Variants in PHF19 observed in about 807,000 individuals in gnomAD.
The protein encoded by PHF19 is PHD finger protein 19.
A neutral mutation model predicts 79.8 loss-of-function variants in PHF19; 21 were observed. The ratio of observed to expected loss-of-function variants is 0.26; its 90% CI spans 0.19 to 0.38. The LOEUF is 0.38. PHF19 is among the 10% of genes least tolerant of loss of function. The pLI, the probability that PHF19 is intolerant of heterozygous loss-of-function variation, is 1.00. For synonymous variants in PHF19, 273 were observed against 296.3 expected, an observed-to-expected ratio of 0.92 and a Z score of 0.81; for missense variants, 445 against 744.2, an observed-to-expected ratio of 0.60 and a Z score of 4.68.
intron 1 of PHF19, among the ~76,000 whole-genome samples, chr9:120,893,780 G>C (rs982906670): frequency 1.3e-5 from 2 of 152,208 alleles, no homozygotes; most frequent in African/African-American, 4.8e-5. Flanking sequence ...ATACTGTTAC[G>C]AGGGAGAAAA....
At chr9:120,885,158 C>T (rs866787841) in intron 1 of PHF19, among the ~76,000 whole-genome samples, 27 of 152,200 alleles carry the variant, frequency 1.8e-4, no homozygotes, top group South Asian at 2.1e-4. Context: ...TTCGAGGATG[C>T]AGTAAGCTAT....
At chr9:120,868,030 G>A (rs2045756303) in intron 6 of PHF19, among the ~76,000 whole-genome samples, 2 of 151,426 alleles carry the variant, frequency 1.3e-5, no homozygotes, top group Admixed American at 1.3e-4. Flanking sequence ...CCGCCCCCCG[G>A]CCCCCTACCC....
At chr9:120,895,437 C>A (rs1177692696), upstream of PHF19, among the ~76,000 whole-genome samples, 1 of 149,048 alleles carries the variant, frequency 6.7e-6, no homozygotes, top group African/African-American at 2.5e-5. Flanking sequence ...AAAAAATATG[C>A]CAGGGTGACA....
intron 1 of PHF19, among the ~76,000 whole-genome samples, chr9:120,892,742 C>G (rs1446922846): frequency 1.3e-5 from 2 of 151,836 alleles, no homozygotes; most frequent in Non-Finnish European, 2.9e-5. Flanking sequence ...GCTTGTATAT[C>G]AAATAAAGAA....
At chr9:120,897,265 G>A (rs993636499), upstream of PHF19, among the ~76,000 whole-genome samples, 15 of 152,328 alleles carry the variant, frequency 9.8e-5, no homozygotes, top group Admixed American at 8.5e-4. Flanking sequence ...GTGCTGAGGC[G>A]GCAAGTGCTA....
At position 120,870,009 on chromosome 9, in the gene PHF19, A is replaced by G. The variant is rs868608675; in HGVS notation, c.365-64T>C. 1.3e-5 allele frequency: 20 copies of G among 1,532,822 alleles called. No homozygotes were observed. In the African/African-American group the frequency reaches 1.4e-4, roughly 11 times the overall value. The allele number at this position is 1,532,822 out of a possible 1,614,324, so 95.0% of individuals were successfully genotyped here. A position where few individuals can be genotyped will look rare whatever the true frequency, so the allele number is the denominator to read the frequency against. ...ATCGTGGCCCAAGGCCAGTTGGCCCAAAGGAGGCAGGGCTGGGAGGGCTGA... is the reference window on the plus strand; with the variant it reads ...ATCGTGGCCCAAGGCCAGTTGGCCCGAAGGAGGCAGGGCTGGGAGGGCTGA... On this transcript the variant is annotated intron_variant, in intron 4 of 14. Transcript: ENST00000373896. The surrounding 1 kb of genome is among the most constrained non-coding windows in gnomAD (Gnocchi z 4.4).
intron 1 of PHF19, among the ~76,000 whole-genome samples, chr9:120,876,827 CCCCG>C (rs1270866385): frequency 6.6e-6 from 1 of 152,176 alleles, no homozygotes; most frequent in African/African-American, 2.4e-5. Flanking sequence ...CCTTCCCCCA[CCCCG>C]ATAGGAAAAT....
chr9:120,873,445 C>T (rs1215578803), intron 3 of PHF19, among the ~76,000 whole-genome samples: 1 of 152,224 alleles, frequency 6.6e-6, no homozygotes, highest in Non-Finnish European at 1.5e-5. Flanking sequence ...TAGCTCCATC[C>T]AGGCATGTCC....
In PHF19 at chr9:120,891,770, A is replaced by G. The variant is rs868549194; in HGVS notation, c.42+3018T>C. ...CCCCACCCAGTCTTCCGTGCTTGTT[A>G]GGAGAGACGGAAGCATCACAGTCAC... On this transcript the variant is annotated intron_variant, in intron 1 of 14. Coordinates refer to the PHF19 transcript ENST00000616568. The surrounding 1 kb of genome is among the most constrained non-coding windows in gnomAD (Gnocchi z 4.3). Among the ~76,000 whole-genome samples, 5 of 152,184 alleles carry G rather than the reference A, an allele frequency of 3.3e-5. No individual in the cohort carries two copies. The highest frequency in any genetic ancestry group is 1.3e-4 in the Admixed American group (2 of 15,280).
At position 120,864,747 on chromosome 9, in the gene PHF19, TA is replaced by T. The variant is rs202214402; in HGVS notation, c.901-632del. Among the ~76,000 whole-genome samples the T allele has an allele frequency of 8.8e-3, 1,334 of 151,972 alleles. 23 individuals carry two copies. Among genetic ancestry groups the T allele is most frequent in the African/African-American group, 0.031 (1,270 of 41,484 alleles). ...TAATATGGAAAAGTATAATGTATAC[TA>T]AAAAAAAGATTATTTAAAATTGTAT... is the stretch of plus-strand genomic sequence containing the variant. On this transcript the variant is annotated intron_variant, in intron 9 of 14. Coordinates refer to ENST00000373896, the MANE Select transcript of PHF19 (RefSeq NM_015651.3).
Position 120,874,983 on chromosome 9 carries a change from G to A in PHF19, c.-15-227C>T, listed in dbSNP as rs2046006175. Among the ~76,000 whole-genome samples the A allele has an allele frequency of 6.6e-6, 1 of 152,184 alleles. No individual in the cohort carries two copies. On this transcript the variant is annotated intron_variant, in intron 1 of 14. Transcript: ENST00000373896. This position sits in a 1 kb window ranked among gnomAD's most constrained non-coding sequence, Gnocchi z 4.5. Reference sequence around the variant, plus strand: ...AGAAGAGGCTGATGGGCCAAAGGCAGAGCCATGGCCCATACCACACTACCT... The same window carrying A: ...AGAAGAGGCTGATGGGCCAAAGGCAAAGCCATGGCCCATACCACACTACCT...
chr9:120,876,719 C>T (rs2046071079), intron 1 of PHF19, among the ~76,000 whole-genome samples: 1 of 152,220 alleles, frequency 6.6e-6, no homozygotes, highest in African/African-American at 2.4e-5. Context: ...TCGGGTTCAG[C>T]GCTCCTCTCC....
At chr9:120,872,887 G>T (rs950560480) in intron 3 of PHF19, among the ~76,000 whole-genome samples, 1 of 152,044 alleles carries the variant, frequency 6.6e-6, no homozygotes, top group African/African-American at 2.4e-5. Flanking sequence ...CTCCCAAAGT[G>T]CTGGGATTAC....
Position 120,857,211 on chromosome 9 carries a change from AG to A in PHF19, c.*732del, listed in dbSNP as rs1415881228. On this transcript the variant is annotated 3_prime_UTR_variant, in exon 15 of 15. Transcript: ENST00000373896. ...GCCAGGCCCAGCTCTATGGCGACTG[AG>A]GGGGTGAGGCCAGAGAACAGAAGAC... 1.4e-5 allele frequency: 2 copies of A among 143,208 alleles called. No homozygotes were observed. Among genetic ancestry groups the A allele is most frequent in the Non-Finnish European group, 3.0e-5 (2 of 66,682 alleles). The allele number at this position is 143,208 out of a possible 1,614,324, so 8.9% of individuals were successfully genotyped here. A position where few individuals can be genotyped will look rare whatever the true frequency, so the allele number is the denominator to read the frequency against.
chr9:120,899,177 C>T (rs549052499), upstream of PHF19, among the ~76,000 whole-genome samples: 7 of 143,548 alleles, frequency 4.9e-5, no homozygotes, highest in East Asian at 6.1e-4. Context: ...CCAGCCTGGG[C>T]GACACAACGA....
At chr9:120,872,976 A>G (rs1338924611) in intron 3 of PHF19, among the ~76,000 whole-genome samples, 2 of 152,160 alleles carry the variant, frequency 1.3e-5, no homozygotes, top group East Asian at 3.9e-4. Flanking sequence ...TGAGCTAAGC[A>G]TTTTACATGG....
rs1280422899 is a variant in PHF19, at chr9:120,856,165, T to C, written c.*1779A>G. The stretch of plus-strand genomic sequence containing the variant: ...GGGCTGAAAAGGGGGAAGAACTGGG[T>C]CCAACGCCAGCTCGTCTATGCCTGG... On this transcript the variant is annotated 3_prime_UTR_variant, in exon 15 of 15. Transcript: ENST00000373896. The C allele has an allele frequency of 6.5e-6, 1 of 152,734 alleles. No individual in the cohort carries two copies. Among genetic ancestry groups the C allele is most frequent in the Non-Finnish European group, 1.5e-5 (1 of 68,156 alleles). The allele number at this position is 152,734 out of a possible 1,614,324, so 9.5% of individuals were successfully genotyped here. A position where few individuals can be genotyped will look rare whatever the true frequency, so the allele number is the denominator to read the frequency against.
In PHF19 at chr9:120,870,084, G is replaced by A. The variant is rs2131540324; in HGVS notation, c.365-139C>T. On this transcript the variant is annotated intron_variant, in intron 4 of 14. Coordinates refer to ENST00000373896, the MANE Select transcript of PHF19 (RefSeq NM_015651.3). This position sits in a 1 kb window ranked among gnomAD's most constrained non-coding sequence, Gnocchi z 4.4. ...CCAGCTGCCGGGAGCCTGGCTGCTG[G>A]TGCCCACCAAGATGGCCAAGTCAGT... 1 of 1,294,574 alleles carries A rather than the reference G, an allele frequency of 7.7e-7. No individual in the cohort carries two copies. Among genetic ancestry groups the A allele is most frequent in the Non-Finnish European group, 1.0e-6 (1 of 952,942 alleles). The allele number at this position is 1,294,574 out of a possible 1,614,324, so 80.2% of individuals were successfully genotyped here.
Position 120,869,041 on chromosome 9 carries a change from C to A in PHF19, c.614+141G>T. ...CCAGGCCCGCCCCTCGAGGCCCCGC[C>A]CCCACAGCGCAACACACTGGGCCCG... On this transcript the variant is annotated intron_variant, in intron 6 of 14. Coordinates refer to ENST00000373896, the MANE Select transcript of PHF19 (RefSeq NM_015651.3). The surrounding 1 kb of genome is among the most constrained non-coding windows in gnomAD (Gnocchi z 5.8). 1.1e-6 allele frequency: 1 copy of A among 918,266 alleles called. No individual in the cohort carries two copies. Among genetic ancestry groups the A allele is most frequent in the Non-Finnish European group, 1.5e-6 (1 of 670,700 alleles). 56.9% of individuals were successfully genotyped at this position (918,266 alleles called of 1,614,324 possible).
Sources: gnomAD v4.1 joint callset for allele counts (sites outside exome capture counted in the v4.1 genomes callset) on GRCh38, gnomAD v4.1.1 for gene constraint, Gnocchi (gnomAD v3.1) non-coding constraint, MANE v1.5 for transcripts, NCBI Gene and HGNC (gene_info 2026-07-23, HGNC 2026-07-21) for gene names.